CEP290: variants seen among roughly 807,000 people sequenced by gnomAD.
CEP290 encodes the protein centrosomal protein of 290 kDa.
CEP290 carries 317 observed loss-of-function variants against 344.9 expected under a neutral mutation model. The ratio of observed to expected loss-of-function variants is 0.92; its 90% CI spans 0.84 to 1.01. The LOEUF is 1.01. Among genes scored for constraint, CEP290 ranks in the 50% least tolerant of loss-of-function variants. CEP290 has a pLI of 0.00. For missense variants in CEP290, 2,754 were observed against 2,761.4 expected (o/e 1.00, Z 0.06); for synonymous variants, 932 against 895.8 (o/e 1.04, Z -0.72).
intron 49 of CEP290, chr12:88,058,646 C>G (rs2034209033): frequency 1.6e-6 from 1 of 607,668 alleles, no homozygotes; most frequent in Middle Eastern, 4.2e-4. Flanking sequence ...GCCACCCAAA[C>G]AAGGTTAAAC....
In CEP290 at chr12:88,057,538, T is replaced by G. The variant is rs147135491; in HGVS notation, c.6818+1310A>C. 4.4e-3 allele frequency among the ~76,000 whole-genome samples: 670 copies of G among 152,272 alleles called. 12 individuals carry two copies. Among genetic ancestry groups the G allele is most frequent in the African/African-American group, 0.015 (631 of 41,564 alleles). Reference sequence around the variant, plus strand: ...AAGAGACCCCTTCTCCCACTCCATATCATCACATTTGTTATTTGTTCTCAC... The same window carrying G: ...AAGAGACCCCTTCTCCCACTCCATAGCATCACATTTGTTATTTGTTCTCAC... On this transcript the variant is annotated intron_variant, in intron 49 of 53. Transcript: ENST00000552810.
At position 88,086,156 on chromosome 12, in the gene CEP290, T is replaced by C; in HGVS notation, c.4320A>G (p.Gly1440=). ...NAAQKFEEAT[G]SIPDPSLPLP... is the part of the protein sequence containing the mutation. ...GGGGCAAACTAGGGTCAGGGATTGA[T>C]CCTGTAGCTTCTTCAAACTATTAAG... The change falls in exon 34 of 54, where the codon GGA becomes GGG. Residue 1440 remains glycine (G), a synonymous_variant. Transcript: ENST00000552810. The C allele has an allele frequency of 6.2e-7, 1 of 1,610,716 alleles. No individual in the cohort carries two copies.
At chr12:88,100,456 A>G (rs1455559634) in intron 26 of CEP290, among the ~76,000 whole-genome samples, 1 of 152,038 alleles carries the variant, frequency 6.6e-6, no homozygotes, top group Non-Finnish European at 1.5e-5. Context: ...CTCTAGTCTC[A>G]TGAACCTTTA....
chr12:88,129,616 TA>T lies in CEP290; in HGVS notation c.852+77del, dbSNP rs2039944998. ...ACAAAAATTCACATCCTAGAAAAAG[TA>T]CTTTCTAGTGTCAAATAAATAGTAA... is the stretch of plus-strand genomic sequence containing the variant. On this transcript the variant is annotated intron_variant, in intron 10 of 53. Coordinates refer to ENST00000552810, the MANE Select transcript of CEP290 (RefSeq NM_025114.4). 8.6e-6 allele frequency: 7 copies of T among 814,156 alleles called. No individual in the cohort carries two copies. The South Asian group carries it at 1.5e-4, about 17-fold the overall frequency. The allele number at this position is 814,156 out of a possible 1,614,324, so 50.4% of individuals were successfully genotyped here.
chr12:88,081,573 G>A (rs2036204674), intron 37 of CEP290, among the ~76,000 whole-genome samples: 1 of 152,042 alleles, frequency 6.6e-6, no homozygotes, highest in Non-Finnish European at 1.5e-5. Flanking sequence ...CTTGCTTTTG[G>A]CAAAACTTAA....
chr12:88,122,674 T>C (rs965009227), intron 13 of CEP290, among the ~76,000 whole-genome samples: 12 of 152,150 alleles, frequency 7.9e-5, no homozygotes, highest in African/African-American at 2.9e-4. Context: ...CAGAGATCAA[T>C]TGCCACTTTT....
chr12:88,062,625 C>A (rs1374720037), intron 46 of CEP290, 67 bp downstream of exon 46: 28 of 1,050,248 alleles, frequency 2.7e-5, no homozygotes, highest in Non-Finnish European at 3.8e-5. Flanking sequence ...TACAACATAT[C>A]TAAACTTTTC....
chr12:88,067,060 T>C (rs1003629986), intron 44 of CEP290, among the ~76,000 whole-genome samples: 6 of 152,288 alleles, frequency 3.9e-5, no homozygotes, highest in Middle Eastern at 3.4e-3. Context: ...CACAACACTG[T>C]AACAAAATTT....
At chr12:88,139,470 A>G (rs767945254) in intron 4 of CEP290, 25 bp downstream of exon 4, 1 of 1,575,274 alleles carries the variant, frequency 6.3e-7, no homozygotes, top group South Asian at 1.2e-5. Context: ...TTAATACCAT[A>G]ATAAACTTTT....
Position 88,107,894 on chromosome 12 carries a change from T to A in CEP290, c.2484-796A>T, listed in dbSNP as rs376324311. Among the ~76,000 whole-genome samples, 5 of 149,966 alleles carry A rather than the reference T, an allele frequency of 3.3e-5. No individual in the cohort carries two copies. The East Asian group carries it at 9.8e-4, about 29-fold the overall frequency. ...TCCAGCCTGGGTGACAGAGCAAGAC[T>A]CTGTCTCAAGGAAAAAAAAAAAAAA... is the stretch of plus-strand genomic sequence containing the variant. On this transcript the variant is annotated intron_variant, in intron 23 of 53. Transcript: ENST00000552810.
At chr12:88,052,105 A>G (rs2033598079) in intron 52 of CEP290, among the ~76,000 whole-genome samples, 1 of 152,256 alleles carries the variant, frequency 6.6e-6, no homozygotes, top group Non-Finnish European at 1.5e-5. Context: ...TAAGGCAATT[A>G]GCATAGTGTC....
intron 37 of CEP290, among the ~76,000 whole-genome samples, chr12:88,081,355 T>A (rs1443215449): frequency 6.6e-6 from 1 of 152,224 alleles, no homozygotes; most frequent in Admixed American, 6.5e-5. Context: ...TCAAATTCAC[T>A]AGCATTATAT....
Position 88,093,997 on chromosome 12 carries a change from T to A in CEP290, c.3104-22A>T, listed in dbSNP as rs764000973. On this transcript the variant is annotated intron_variant, in intron 27 of 53. Coordinates refer to ENST00000552810, the MANE Select transcript of CEP290 (RefSeq NM_025114.4). ...TTACCTACATGCAATAATATTTAAG[T>A]CAATCTCATGCTGTTTATATTAAAA... 3.3e-6 allele frequency: 5 copies of A among 1,537,090 alleles called. No homozygotes were observed. In the Admixed American group the frequency reaches 9.3e-5, roughly 28 times the overall value.
At chr12:88,133,035 C>T (rs112584743) in intron 6 of CEP290, among the ~76,000 whole-genome samples, 5,666 of 150,816 alleles carry the variant, frequency 0.038, 172 homozygotes, top group African/African-American at 0.084. Context: ...CTTCCACCTC[C>T]ATCCCATGTC....
At chr12:88,079,989 TA>T (rs1176141768) in intron 38 of CEP290, among the ~76,000 whole-genome samples, 192 bp downstream of exon 38, 9 of 152,160 alleles carry the variant, frequency 5.9e-5, no homozygotes, top group African/African-American at 2.2e-4. Context: ...CATAAAAAGA[TA>T]AATTGGACTA....
chr12:88,115,130 C>T lies in CEP290; in HGVS notation c.1877G>A (p.Ser626Asn), dbSNP rs746124813. ...CTGAAATTTGGCTATCACTGTCCTACTCCTTTCTAAATCTCTTTCTTTTTC... is the reference window on the plus strand; with the variant it reads ...CTGAAATTTGGCTATCACTGTCCTATTCCTTTCTAAATCTCTTTCTTTTTC... ...LIEKERDLER[S>N]RTVIAKFQNK... is the part of the protein sequence containing the mutation. The change falls in exon 19 of 54, where the codon AGT (serine) becomes AAT (asparagine). Residue 626 changes from serine (S) to asparagine (N), a missense_variant. Physicochemically the swap from Ser to Asn is conservative, Grantham distance 46. Transcript: ENST00000552810. 1.9e-5 allele frequency: 29 copies of T among 1,491,528 alleles called. No individual in the cohort carries two copies. The highest frequency in any genetic ancestry group is 9.2e-7 in the Non-Finnish European group (1 of 1,090,452). 92.4% of individuals were successfully genotyped at this position (1,491,528 alleles called of 1,614,324 possible). A position where few individuals can be genotyped will look rare whatever the true frequency, so the allele number is the denominator to read the frequency against.
At position 88,089,504 on chromosome 12, in the gene CEP290, T is replaced by C. The variant is rs2036856390; in HGVS notation, c.3574-17A>G. The C allele has an allele frequency of 1.6e-6, 2 of 1,212,606 alleles. No individual in the cohort carries two copies. The highest frequency in any genetic ancestry group is 2.2e-6 in the Non-Finnish European group (2 of 904,608). The allele number at this position is 1,212,606 out of a possible 1,614,324, so 75.1% of individuals were successfully genotyped here. Reference sequence around the variant, plus strand: ...AGACTGTGCCTGATATTAAAAAAAATATATATTTGTAGTAAGTTTCAAATT... The same window carrying C: ...AGACTGTGCCTGATATTAAAAAAAACATATATTTGTAGTAAGTTTCAAATT... On this transcript the variant is annotated splice_polypyrimidine_tract_variant and intron_variant, in intron 30 of 53. Coordinates refer to ENST00000552810, the MANE Select transcript of CEP290 (RefSeq NM_025114.4).
chr12:88,086,462 C>T lies in CEP290; in HGVS notation c.4231G>A (p.Glu1411Lys). The change falls in exon 33 of 54, where the codon GAA (glutamate) becomes AAA (lysine). Residue 1411 changes from glutamate to lysine, a missense_variant. Glu to Lys is a moderately conservative substitution (Grantham distance 56). Transcript: ENST00000552810. ...TCTAGTTGGCGTTCCAGGTCAACTT[C>T]TCTTTGATCCCAGGCCATTTGTCTT... ...EERQMAWDQR[E>K]VDLERQLDIF... is the part of the protein sequence containing the mutation. 6.3e-7 allele frequency: 1 copy of T among 1,599,730 alleles called. No homozygotes were observed. Among genetic ancestry groups the T allele is most frequent in the Non-Finnish European group, 8.5e-7 (1 of 1,171,662 alleles).
chr12:88,114,794 A>C (rs2038939702), intron 19 of CEP290, among the ~76,000 whole-genome samples: 1 of 152,178 alleles, frequency 6.6e-6, no homozygotes, highest in Non-Finnish European at 1.5e-5. Context: ...CTTCTGCCTT[A>C]ACTTAAACTA....
Sources: allele counts gnomAD v4.1 joint callset (sites outside exome capture counted in the v4.1 genomes callset), GRCh38; gene constraint gnomAD v4.1.1; transcripts MANE v1.5; gene names NCBI Gene and HGNC (gene_info 2026-07-23, HGNC 2026-07-21).